The following SV2C variants were observed in gnomAD, a reference collection of about 807,000 sequenced individuals.
SV2C encodes synaptic vesicle glycoprotein 2C, also known as solute carrier family 22 member B3.
Under a neutral mutation model 79.7 loss-of-function variants are expected in SV2C, and 49 were observed. The observed-to-expected ratio is 0.61, with a 90% CI of 0.49 to 0.78. The LOEUF is 0.78. SV2C is among the 30% of genes least tolerant of loss of function. The pLI, the probability that SV2C is intolerant of heterozygous loss-of-function variation, is 0.00. For synonymous variants in SV2C, 334 were observed against 333.2 expected, an observed-to-expected ratio of 1.00 and a Z score of -0.03; for missense variants, 833 against 912.9, an observed-to-expected ratio of 0.91 and a Z score of 1.13.
the SV2C span, among the ~76,000 whole-genome samples, chr5:75,899,849 T>C: frequency 6.6e-6 from 1 of 152,154 alleles, no homozygotes; most frequent in Non-Finnish European, 1.5e-5. Context: ...TTGATCTTTG[T>C]TGGTTTAAAG....
At position 76,315,558 on chromosome 5, in the gene SV2C, C is replaced by G. The variant is rs1411622967; in HGVS notation, c.2001-9806C>G. Among the ~76,000 whole-genome samples, 8 of 152,238 alleles carry G rather than the reference C, an allele frequency of 5.3e-5. No individual in the cohort carries two copies. In the South Asian group the frequency reaches 8.3e-4, roughly 16 times the overall value. On this transcript the variant is annotated intron_variant, in intron 12 of 12. Coordinates refer to ENST00000502798, the MANE Select transcript of SV2C (RefSeq NM_014979.4). ...CCACTCCCCCAGAGGTGACCTGGAC[C>G]TAAACAAGGCTAATTCTGGACAAGG...
chr5:75,961,214 G>A, the SV2C span, among the ~76,000 whole-genome samples: 1 of 151,974 alleles, frequency 6.6e-6, no homozygotes, highest in Non-Finnish European at 1.5e-5. Context: ...TATCAAAGAT[G>A]ACTGGATTTA....
chr5:75,951,473 A>G, the SV2C span, among the ~76,000 whole-genome samples: 1 of 152,038 alleles, frequency 6.6e-6, no homozygotes, highest in African/African-American at 2.4e-5. Context: ...AGGCTCTCTC[A>G]GATCCAAGGT....
intron 2 of SV2C, among the ~76,000 whole-genome samples, chr5:76,139,190 A>G (rs1381598172): frequency 6.6e-6 from 1 of 152,138 alleles, no homozygotes; most frequent in South Asian, 2.1e-4. Context: ...AAAGTCATAG[A>G]TGCAGATGTT....
chr5:76,030,289 T>TTTTTTTTTTTTTTTTTTTA, the SV2C span, among the ~76,000 whole-genome samples: 3 of 117,874 alleles, frequency 2.5e-5, no homozygotes, highest in African/African-American at 3.9e-5. Flanking sequence ...TTTTTTTTTT[T>TTTTTTTTTTTTTTTTTTTA]TTTATTTATT....
the SV2C span, among the ~76,000 whole-genome samples, chr5:75,982,701 A>G: frequency 7.9e-5 from 12 of 152,234 alleles, no homozygotes; most frequent in Admixed American, 6.5e-5. Flanking sequence ...TAGCAAAGAC[A>G]TGGAATCAAC....
chr5:76,351,280 T>C (rs1749636138), intron 12 of SV2C, among the ~76,000 whole-genome samples: 1 of 151,984 alleles, frequency 6.6e-6, no homozygotes, highest in Non-Finnish European at 1.5e-5. Flanking sequence ...ACCTTGTCTC[T>C]ACAAAAACAA....
At chr5:76,009,194 C>A in the SV2C span, among the ~76,000 whole-genome samples, 3 of 152,230 alleles carry the variant, frequency 2.0e-5, no homozygotes, top group African/African-American at 7.2e-5. Context: ...CAGAGAAATG[C>A]AAATTAAAAC....
At chr5:76,138,153 A>G (rs1749130331) in intron 2 of SV2C, among the ~76,000 whole-genome samples, 1 of 152,146 alleles carries the variant, frequency 6.6e-6, no homozygotes, top group Non-Finnish European at 1.5e-5. Flanking sequence ...TTCCTTTGTG[A>G]TTTAGGCAAA....
the SV2C span, among the ~76,000 whole-genome samples, chr5:76,046,350 TAAG>T: frequency 5.9e-5 from 9 of 151,944 alleles, no homozygotes; most frequent in Non-Finnish European, 1.0e-4. Context: ...TGGAAGCAAA[TAAG>T]AAAGCAGTGA....
intron 1 of SV2C, among the ~76,000 whole-genome samples, chr5:76,100,987 C>G (rs1440867331): frequency 2.0e-5 from 3 of 152,138 alleles, no homozygotes; most frequent in Admixed American, 6.5e-5. Context: ...GCAGAATTGC[C>G]CTCGTTTAAT....
intron 2 of SV2C, among the ~76,000 whole-genome samples, chr5:76,181,005 C>G (rs1197088789): frequency 6.6e-6 from 1 of 152,204 alleles, no homozygotes. Flanking sequence ...TCGCAAGGCT[C>G]TCAACTGCCC....
At chr5:76,120,671 T>C (rs563996664) in intron 1 of SV2C, among the ~76,000 whole-genome samples, 5 of 150,448 alleles carry the variant, frequency 3.3e-5, no homozygotes, top group Admixed American at 1.3e-4. Context: ...TCCAATTTCA[T>C]CCATGTCCCT....
the SV2C span, among the ~76,000 whole-genome samples, chr5:76,078,042 G>C: frequency 0.42 from 64,364 of 152,082 alleles, 14,177 homozygotes; most frequent in East Asian, 0.72. Context: ...GTTGTAGAGT[G>C]ACCTGGAGGT....
At chr5:76,064,377 A>C in the SV2C span, among the ~76,000 whole-genome samples, 1 of 152,206 alleles carries the variant, frequency 6.6e-6, no homozygotes, top group Non-Finnish European at 1.5e-5. Context: ...TTGAAGCATG[A>C]ATGTGGCAAA....
the SV2C span, among the ~76,000 whole-genome samples, chr5:75,885,681 C>A: frequency 6.6e-6 from 1 of 152,150 alleles, no homozygotes; most frequent in Non-Finnish European, 1.5e-5. Flanking sequence ...TCCCAAGTAG[C>A]TGGGACTACA....
the SV2C span, among the ~76,000 whole-genome samples, chr5:75,948,596 A>AG: frequency 2.6e-5 from 4 of 152,010 alleles, no homozygotes; most frequent in Non-Finnish European, 1.5e-5. Flanking sequence ...GTGATTGCAT[A>AG]GGGTGGTGGT....
chr5:75,961,668 C>G, the SV2C span, among the ~76,000 whole-genome samples: 4 of 151,400 alleles, frequency 2.6e-5, no homozygotes, highest in African/African-American at 9.7e-5. Context: ...TTTTAAAAAC[C>G]ATTTCAATTT....
the SV2C span, among the ~76,000 whole-genome samples, chr5:75,897,415 C>T: frequency 6.6e-6 from 1 of 151,332 alleles, no homozygotes. Context: ...GTGCTCTGTT[C>T]CATTGATCTA....
Sources: gnomAD v4.1 joint callset for allele counts (sites outside exome capture counted in the v4.1 genomes callset) on GRCh38, gnomAD v4.1.1 for gene constraint, MANE v1.5 for transcripts, NCBI Gene and HGNC (gene_info 2026-07-23, HGNC 2026-07-21) for gene names.